Variants in DOP1B observed in about 807,000 individuals in gnomAD.
DOP1B encodes DOP1 leucine zipper like protein B, also known as protein DOP1B.
A neutral mutation model predicts 233.5 loss-of-function variants in DOP1B; 174 were observed. That is an observed-to-expected ratio of 0.75 (90% CI 0.66 to 0.85). The LOEUF is 0.85. DOP1B is among the 40% of genes least tolerant of loss of function. DOP1B has a pLI of 0.00. For synonymous variants in DOP1B, 1,190 were observed against 1,185.6 expected (o/e 1.00, Z -0.08); for missense variants, 2,652 against 2,846.6 (o/e 0.93, Z 1.56).
chr21:36,240,651 G>C (rs2066883157), intron 18 of DOP1B, among the ~76,000 whole-genome samples: 1 of 152,096 alleles, frequency 6.6e-6, no homozygotes, highest in Non-Finnish European at 1.5e-5. Context: ...ACTTCCAGAG[G>C]CATCTTTAAC....
chr21:36,196,955 T>G (rs1306109300), intron 2 of DOP1B, among the ~76,000 whole-genome samples: 1 of 150,438 alleles, frequency 6.6e-6, no homozygotes, highest in Non-Finnish European at 1.5e-5. Flanking sequence ...TTTTTTTTTT[T>G]GAGATGAGAT....
At chr21:36,178,261 C>G (rs979496782) in intron 2 of DOP1B, among the ~76,000 whole-genome samples, 4 of 152,070 alleles carry the variant, frequency 2.6e-5, no homozygotes, top group Non-Finnish European at 4.4e-5. Context: ...GAGGCTAAGG[C>G]AGGTGGATCA....
At chr21:36,227,308 G>C (rs962541449) in intron 12 of DOP1B, among the ~76,000 whole-genome samples, 19 of 152,046 alleles carry the variant, frequency 1.2e-4, no homozygotes, top group African/African-American at 4.6e-4. Flanking sequence ...AGCACTTTGG[G>C]AGGCCAAGGT....
rs201842098 is a variant in DOP1B, at chr21:36,245,552, C to T, written c.3572C>T (p.Ser1191Leu). The T allele has an allele frequency of 3.7e-6, 6 of 1,613,452 alleles. No individual in the cohort carries two copies. The highest frequency in any genetic ancestry group is 3.3e-5 in the Admixed American group (2 of 60,024). Reference sequence around the variant, plus strand: ...TCGGACAAGACGCAGGCTTCTGAGTCGTTCTCCAGCGACGAGGAGGCGGAC... The same window carrying T: ...TCGGACAAGACGCAGGCTTCTGAGTTGTTCTCCAGCGACGAGGAGGCGGAC... ...VDSDKTQASE[S>L]FSSDEEADLE... The change falls in exon 19 of 37, where the codon TCG becomes TTG. Residue 1191 changes from serine to leucine, a missense_variant. Physicochemically the swap from Ser to Leu is moderately radical, Grantham distance 145 (BLOSUM62 -2). Around this residue, in one of 3 missense-constraint regions of DOP1B, gnomAD observed 2,617 missense variants for 2,794.3 expected, o/e 0.94. Coordinates refer to ENST00000691173, the MANE Select transcript of DOP1B (RefSeq NM_001320714.2). This position sits in a 1 kb window ranked among gnomAD's most constrained non-coding sequence, Gnocchi z 5.5.
chr21:36,207,490 G>GTT (rs1027284202), intron 4 of DOP1B, among the ~76,000 whole-genome samples: 48 of 120,930 alleles, frequency 4.0e-4, no homozygotes, highest in African/African-American at 9.6e-4. Context: ...CAGCCAAACA[G>GTT]TTTTTTTTGT....
At chr21:36,185,687 A>G (rs2066156948) in intron 2 of DOP1B, among the ~76,000 whole-genome samples, 2 of 152,216 alleles carry the variant, frequency 1.3e-5, no homozygotes, top group African/African-American at 4.8e-5. Flanking sequence ...AGAATAAAAT[A>G]TAAGTCTAGA....
chr21:36,270,374 G>A (rs1054716998), intron 27 of DOP1B, among the ~76,000 whole-genome samples: 5 of 150,308 alleles, frequency 3.3e-5, no homozygotes, highest in South Asian at 4.2e-4. Flanking sequence ...CCAACATGGC[G>A]AAACCCCGTC....
At chr21:36,231,679 GT>G (rs1224600446) in intron 14 of DOP1B, among the ~76,000 whole-genome samples, 678 of 131,902 alleles carry the variant, frequency 5.1e-3, no homozygotes, top group Non-Finnish European at 8.3e-3. Flanking sequence ...GGGTTTTTTT[GT>G]TTTTTTTTTT....
At chr21:36,160,253 G>T (rs776304404) in intron 1 of DOP1B, among the ~76,000 whole-genome samples, 13 of 152,068 alleles carry the variant, frequency 8.5e-5, no homozygotes, top group Non-Finnish European at 1.8e-4. Flanking sequence ...TTCAAAATGT[G>T]TGAAGGCAGT....
At chr21:36,248,909 A>T (rs1283120204) in intron 21 of DOP1B, among the ~76,000 whole-genome samples, 1 of 151,908 alleles carries the variant, frequency 6.6e-6, no homozygotes, top group Non-Finnish European at 1.5e-5. Context: ...GTTCAAGAAC[A>T]GCCTGGCCAA....
chr21:36,165,718 CTT>C (rs66857645), intron 2 of DOP1B, among the ~76,000 whole-genome samples: 28 of 132,906 alleles, frequency 2.1e-4, no homozygotes, highest in African/African-American at 1.9e-4. Context: ...TTAGGAGAAT[CTT>C]TTTTTTTTTT....
intron 23 of DOP1B, among the ~76,000 whole-genome samples, chr21:36,254,413 G>A (rs2067068491): frequency 6.6e-6 from 1 of 152,116 alleles, no homozygotes; most frequent in African/African-American, 2.4e-5. Flanking sequence ...GGGGGAAGGA[G>A]CAGGAAGTTT....
At chr21:36,162,246 G>T (rs1045116302) in intron 1 of DOP1B, among the ~76,000 whole-genome samples, 2 of 152,276 alleles carry the variant, frequency 1.3e-5, no homozygotes, top group African/African-American at 4.8e-5. Context: ...CCAGACTGGA[G>T]TGCAGTGGCA....
chr21:36,290,099 C>T (rs1259678359), intron 35 of DOP1B, among the ~76,000 whole-genome samples: 3 of 152,068 alleles, frequency 2.0e-5, no homozygotes, highest in African/African-American at 4.8e-5. Context: ...ACAAATGTAC[C>T]ACTCTGGTGC....
In DOP1B at chr21:36,294,225, T is replaced by C. The variant is rs1018890694; in HGVS notation, c.*654T>C. 12 of 152,666 alleles carry C rather than the reference T, an allele frequency of 7.9e-5. No homozygotes were observed. The highest frequency in any genetic ancestry group is 2.9e-4 in the African/African-American group (12 of 41,466). 9.5% of individuals were successfully genotyped at this position (152,666 alleles called of 1,614,324 possible). A position where few individuals can be genotyped will look rare whatever the true frequency, so the allele number is the denominator to read the frequency against. Reference sequence around the variant, plus strand: ...TGGGTCTTTCTCAGTATATTTCTCTTTTCTCTAAAAGTTTAAACTTATTAA... The same window carrying C: ...TGGGTCTTTCTCAGTATATTTCTCTCTTCTCTAAAAGTTTAAACTTATTAA... On this transcript the variant is annotated 3_prime_UTR_variant, in exon 37 of 37. Coordinates refer to ENST00000691173, the MANE Select transcript of DOP1B (RefSeq NM_001320714.2).
intron 31 of DOP1B, 93 bp from the exon 32 acceptor site, chr21:36,281,390 A>T: frequency 7.5e-7 from 1 of 1,331,570 alleles, no homozygotes; most frequent in East Asian, 2.4e-5. Flanking sequence ...ATTTTTCACC[A>T]GGGAATATAG....
intron 2 of DOP1B, among the ~76,000 whole-genome samples, chr21:36,188,889 T>C (rs753412991): frequency 9.2e-5 from 14 of 152,220 alleles, no homozygotes; most frequent in Non-Finnish European, 2.1e-4. Context: ...GAAACATAAT[T>C]CTGTCCACTC....
chr21:36,195,340 CAAAAAAA>C (rs60003046), intron 2 of DOP1B, among the ~76,000 whole-genome samples: 7,667 of 84,252 alleles, frequency 0.091, 275 homozygotes, highest in African/African-American at 0.16. Flanking sequence ...GACTCTGGCT[CAAAAAAA>C]AAAAAAAAAA....
intron 2 of DOP1B, among the ~76,000 whole-genome samples, chr21:36,186,893 G>A (rs1043014479): frequency 6.6e-6 from 1 of 152,048 alleles, no homozygotes; most frequent in Non-Finnish European, 1.5e-5. Context: ...CTGGAGCCCG[G>A]ACTCGGACCC....
Sources: allele counts gnomAD v4.1 joint callset (sites outside exome capture counted in the v4.1 genomes callset), GRCh38; gene constraint gnomAD v4.1.1; regional missense constraint gnomAD v4.1.1; non-coding constraint Gnocchi (gnomAD v3.1); transcripts MANE v1.5; gene names NCBI Gene and HGNC (gene_info 2026-07-23, HGNC 2026-07-21).